RPS6KA2: variants seen among roughly 807,000 people sequenced by gnomAD.
The protein encoded by RPS6KA2 is ribosomal protein S6 kinase alpha-2.
Under a neutral mutation model 91.8 loss-of-function variants are expected in RPS6KA2, and 42 were observed. That is an observed-to-expected ratio of 0.46 (90% CI 0.36 to 0.59). The LOEUF is 0.59. Among genes scored for constraint, RPS6KA2 ranks in the 20% least tolerant of loss-of-function variants. The pLI is 0.00. For missense variants in RPS6KA2, 798 were observed against 978.5 expected (o/e 0.82, Z 2.46); for synonymous variants, 414 against 393.6 (o/e 1.05, Z -0.61).
chr6:166,452,102 A>G (rs988459973), intron 12 of RPS6KA2, among the ~76,000 whole-genome samples: 2 of 152,150 alleles, frequency 1.3e-5, no homozygotes, highest in African/African-American at 4.8e-5. Flanking sequence ...ATAGGACAAC[A>G]CTTTTGTCTA....
chr6:166,709,074 C>T (rs1026812109), intron 2 of RPS6KA2, among the ~76,000 whole-genome samples: 26 of 152,174 alleles, frequency 1.7e-4, no homozygotes, highest in African/African-American at 4.3e-4. Flanking sequence ...TTCCCCCAGC[C>T]GGGTACTATC....
chr6:166,781,206 T>A (rs534766054), intron 2 of RPS6KA2, among the ~76,000 whole-genome samples: 3 of 152,246 alleles, frequency 2.0e-5, no homozygotes, highest in Non-Finnish European at 4.4e-5. Context: ...TTAAGTGTAT[T>A]TAAGACGAAG....
intron 1 of RPS6KA2, among the ~76,000 whole-genome samples, chr6:166,621,040 TG>T (rs974664879): frequency 3.9e-5 from 6 of 152,176 alleles, no homozygotes; most frequent in African/African-American, 1.4e-4. Context: ...CCACCCAGCC[TG>T]GGGAGCTTTG....
chr6:166,490,548 C>T lies in RPS6KA2; in HGVS notation c.818+123G>A. ...CCAGTGACTTTTAGAAAACAGCTTACAATACTTTGGCACTGTAAGCCTAGC... is the reference window on the plus strand; with the variant it reads ...CCAGTGACTTTTAGAAAACAGCTTATAATACTTTGGCACTGTAAGCCTAGC... On this transcript the variant is annotated intron_variant, in intron 9 of 20. Coordinates refer to ENST00000265678, the MANE Select transcript of RPS6KA2 (RefSeq NM_021135.6). This position sits in a 1 kb window ranked among gnomAD's most constrained non-coding sequence, Gnocchi z 4.2. 1 of 726,152 alleles carries T rather than the reference C, an allele frequency of 1.4e-6. No individual in the cohort carries two copies. The highest frequency in any genetic ancestry group is 2.4e-6 in the Non-Finnish European group (1 of 416,608). The allele number at this position is 726,152 out of a possible 1,614,324, so 45.0% of individuals were successfully genotyped here. A position where few individuals can be genotyped will look rare whatever the true frequency, so the allele number is the denominator to read the frequency against.
intron 11 of RPS6KA2, chr6:166,465,422 A>G (rs1780480494): frequency 1.3e-5 from 2 of 152,258 alleles, no homozygotes; most frequent in Non-Finnish European, 2.9e-5. Context: ...ATGAAGACAC[A>G]TGGGCTGCTA....
In RPS6KA2 at chr6:166,413,856, C is replaced by T. The variant is rs993542212; in HGVS notation, c.2014G>A (p.Val672Met). The T allele has an allele frequency of 6.2e-7, 1 of 1,614,046 alleles. No individual in the cohort carries two copies. The highest frequency in any genetic ancestry group is 8.5e-7 in the Non-Finnish European group (1 of 1,180,004). ...GGGGACAGGTACTCTCTGTTGACCA[C>T]CCACGGGTGTTTGAGCACTTGCATC... ...TAMQVLKHPW[V>M]VNREYLSPNQ... Residue 672 changes from valine (V) to methionine (M), a missense_variant, in exon 20 of 21, where the codon GTG becomes ATG. Val to Met is a conservative substitution (Grantham distance 21, BLOSUM62 1). Transcript: ENST00000265678.
At position 166,485,335 on chromosome 6, in the gene RPS6KA2, G is replaced by A. The variant is rs1013098568; in HGVS notation, c.907+3498C>T. 6.0e-4 allele frequency among the ~76,000 whole-genome samples: 91 copies of A among 152,228 alleles called. 1 individual carries two copies. The highest frequency in any genetic ancestry group is 8.8e-5 in the Non-Finnish European group (6 of 68,040). On this transcript the variant is annotated intron_variant, in intron 10 of 20. Coordinates refer to ENST00000265678, the MANE Select transcript of RPS6KA2 (RefSeq NM_021135.6). ...AAATGGCATGCAAAGATGCTTCTGT[G>A]CATTTTGTGGCAGTTTACAGCATTG...
chr6:166,810,234 G>A (rs545595209), intron 2 of RPS6KA2, among the ~76,000 whole-genome samples: 1 of 152,248 alleles, frequency 6.6e-6, no homozygotes, highest in Admixed American at 6.5e-5. Context: ...AACATGTGGG[G>A]ATTATGGGGA....
At chr6:166,798,433 A>G (rs16899473) in intron 2 of RPS6KA2, among the ~76,000 whole-genome samples, 4,928 of 152,340 alleles carry the variant, frequency 0.032, 269 homozygotes, top group African/African-American at 0.11. Context: ...TTTAGCACCC[A>G]AAAGGAGCAT....
rs573027161 is a variant in RPS6KA2, at chr6:166,790,434, A to G, written c.123+67766T>C. 5.3e-5 allele frequency among the ~76,000 whole-genome samples: 8 copies of G among 152,326 alleles called. No homozygotes were observed. In the East Asian group the frequency reaches 1.5e-3, roughly 29 times the overall value. On this transcript the variant is annotated intron_variant, in intron 2 of 21. Transcript: ENST00000503859. ...GGAGAATGGAACCAAGTTGGAAAACACTCTGCAGGATATTATCCAGGAGAA... is the reference window on the plus strand; with the variant it reads ...GGAGAATGGAACCAAGTTGGAAAACGCTCTGCAGGATATTATCCAGGAGAA...
intron 1 of RPS6KA2, among the ~76,000 whole-genome samples, chr6:166,606,044 C>T (rs1321198555): frequency 6.6e-6 from 1 of 152,244 alleles, no homozygotes; most frequent in Non-Finnish European, 1.5e-5. Context: ...GCAAAGGCAG[C>T]ATAATGCCGC....
At position 166,627,132 on chromosome 6, in the gene RPS6KA2, G is replaced by C. The variant is rs1582960854; in HGVS notation, c.-113C>G. 7.9e-6 allele frequency: 9 copies of C among 1,144,726 alleles called. No homozygotes were observed. The highest frequency in any genetic ancestry group is 9.7e-6 in the Non-Finnish European group (9 of 931,886). The allele number at this position is 1,144,726 out of a possible 1,614,324, so 70.9% of individuals were successfully genotyped here. On this transcript the variant is annotated 5_prime_UTR_variant, in exon 1 of 21. Coordinates refer to ENST00000265678, the MANE Select transcript of RPS6KA2 (RefSeq NM_021135.6). ...CACGCGTGGCCAGGGAGCCCGGCAC[G>C]GCGGCCATGGGCGCGGGGCGTGGGG...
intron 1 of RPS6KA2, among the ~76,000 whole-genome samples, chr6:166,610,115 G>A (rs1378719468): frequency 6.6e-5 from 10 of 152,112 alleles, no homozygotes; most frequent in Non-Finnish European, 1.5e-4. Flanking sequence ...AAACAGCAAT[G>A]CTTCATGGTA....
chr6:166,544,889 T>A (rs1233342560), intron 1 of RPS6KA2, among the ~76,000 whole-genome samples: 1 of 152,182 alleles, frequency 6.6e-6, no homozygotes, highest in Non-Finnish European at 1.5e-5. Flanking sequence ...AAGCTAAATA[T>A]AAGTGAGCCA....
chr6:166,498,408 T>A, intron 8 of RPS6KA2, 100 bp downstream of exon 8: 2 of 1,361,514 alleles, frequency 1.5e-6, no homozygotes, highest in Non-Finnish European at 1.9e-6. Context: ...CCTCAGGCAC[T>A]GCCTTCTTCC....
rs1396282950 is a variant in RPS6KA2, at chr6:166,409,699, C to T, written c.*3063G>A. On this transcript the variant is annotated 3_prime_UTR_variant, in exon 21 of 21. Coordinates refer to ENST00000265678, the MANE Select transcript of RPS6KA2 (RefSeq NM_021135.6). ...GCGTCCTTCTCCATTCTCGAATTTG[C>T]ATGACGCTTAGAAAGGTAGGAGGCA... 6.6e-6 allele frequency: 1 copy of T among 152,574 alleles called. No individual in the cohort carries two copies. The highest frequency in any genetic ancestry group is 2.4e-5 in the African/African-American group (1 of 41,452). 9.5% of individuals were successfully genotyped at this position (152,574 alleles called of 1,614,324 possible).
At chr6:166,454,237 C>G (rs188154321) in intron 12 of RPS6KA2, among the ~76,000 whole-genome samples, 5 of 152,352 alleles carry the variant, frequency 3.3e-5, no homozygotes, top group Non-Finnish European at 7.4e-5. Context: ...CGGTGGATCA[C>G]ACCTGTAATC....
intron 3 of RPS6KA2, among the ~76,000 whole-genome samples, chr6:166,523,547 C>A (rs1053959681): frequency 2.0e-5 from 3 of 151,940 alleles, no homozygotes; most frequent in Non-Finnish European, 4.4e-5. Context: ...TTTCATCATT[C>A]GTAAATAAAG....
Position 166,600,134 on chromosome 6 carries a change from A to T in RPS6KA2, c.99+26787T>A, listed in dbSNP as rs192715289. Among the ~76,000 whole-genome samples the T allele has an allele frequency of 3.3e-5, 5 of 152,180 alleles. No homozygotes were observed. In the East Asian group the frequency reaches 9.7e-4, roughly 29 times the overall value. On this transcript the variant is annotated intron_variant, in intron 1 of 20. Transcript: ENST00000265678. ...ACAATCCTCCTGCCTCAGCTTCCCA[A>T]ATAGGTGCACCTACTATAGGTGCAC...
Sources: allele counts gnomAD v4.1 joint callset (sites outside exome capture counted in the v4.1 genomes callset), GRCh38; gene constraint gnomAD v4.1.1; non-coding constraint Gnocchi (gnomAD v3.1); transcripts MANE v1.5; gene names NCBI Gene and HGNC (gene_info 2026-07-23, HGNC 2026-07-21).